SNTG1: variants seen among roughly 807,000 people sequenced by gnomAD.
The protein encoded by SNTG1 is syntrophin gamma 1.
Under a neutral mutation model 74.7 loss-of-function variants are expected in SNTG1, and 39 were observed. The ratio of observed to expected loss-of-function variants is 0.52; its 90% CI spans 0.40 to 0.68. The LOEUF (loss-of-function observed/expected upper bound fraction) is 0.68. Ranked by LOEUF, SNTG1 falls within the 30% of genes least tolerant of loss-of-function variation. SNTG1 has a pLI of 0.00. For missense variants in SNTG1, 685 were observed against 609.5 expected (o/e 1.12, Z -1.30); for synonymous variants, 254 against 217.1 (o/e 1.17, Z -1.49).
intron 1 of SNTG1, among the ~76,000 whole-genome samples, chr8:49,921,724 C>G (rs1319501731): frequency 6.6e-6 from 1 of 151,970 alleles, no homozygotes; most frequent in Non-Finnish European, 1.5e-5. Context: ...TATAGTCAAC[C>G]AAAAAGATAC....
chr8:50,090,491 G>A (rs1007525288), intron 1 of SNTG1, among the ~76,000 whole-genome samples: 1 of 152,150 alleles, frequency 6.6e-6, no homozygotes, highest in Non-Finnish European at 1.5e-5. Flanking sequence ...GATTTAGAAA[G>A]ATTCATCTGC....
Position 50,571,313 on chromosome 8 carries a change from T to A in SNTG1, c.810+18134T>A, listed in dbSNP as rs146141484. 3.3e-3 allele frequency among the ~76,000 whole-genome samples: 501 copies of A among 152,302 alleles called. 1 individual carries two copies. Among genetic ancestry groups the A allele is most frequent in the Middle Eastern group, 0.01 (3 of 294 alleles). On this transcript the variant is annotated intron_variant, in intron 12 of 18. Coordinates refer to ENST00000642720, the MANE Select transcript of SNTG1 (RefSeq NM_018967.5). ...CGAAGCTAACTCCCTGGGACCTGCC[T>A]CCTGTCCCGGGCTCAAGAGAACACA...
intron 1 of SNTG1, among the ~76,000 whole-genome samples, chr8:50,044,068 T>C (rs1044991103): frequency 3.3e-5 from 5 of 152,146 alleles, no homozygotes; most frequent in Non-Finnish European, 5.9e-5. Context: ...AAAAAAAATT[T>C]CTGAAAAACT....
At chr8:50,092,780 C>CA in intron 1 of SNTG1, among the ~76,000 whole-genome samples, 1 of 152,254 alleles carries the variant, frequency 6.6e-6, no homozygotes, top group East Asian at 1.9e-4. Context: ...GTTACACTGA[C>CA]AAACAGTTTT....
chr8:50,229,956 G>A (rs554067223), intron 2 of SNTG1, among the ~76,000 whole-genome samples: 1 of 151,574 alleles, frequency 6.6e-6, no homozygotes, highest in East Asian at 1.9e-4. Context: ...AATATTTGAC[G>A]ATTAAACAAC....
At chr8:50,143,229 T>C (rs749198684) in intron 1 of SNTG1, among the ~76,000 whole-genome samples, 11 of 152,158 alleles carry the variant, frequency 7.2e-5, no homozygotes, top group Non-Finnish European at 1.3e-4. Context: ...TGTTTACATG[T>C]TTCTGATTTC....
intron 1 of SNTG1, among the ~76,000 whole-genome samples, chr8:49,996,133 T>A (rs942345278): frequency 6.6e-6 from 1 of 152,108 alleles, no homozygotes; most frequent in Non-Finnish European, 1.5e-5. Flanking sequence ...ATTGCCATTT[T>A]AGAAAACTTT....
intron 13 of SNTG1, among the ~76,000 whole-genome samples, chr8:50,649,350 T>A (rs1162991135): frequency 6.6e-6 from 1 of 152,060 alleles, no homozygotes; most frequent in Non-Finnish European, 1.5e-5. Context: ...ATACAAAAAA[T>A]TAGCCGGACG....
At chr8:49,961,719 C>T (rs571273218) in intron 1 of SNTG1, among the ~76,000 whole-genome samples, 97 of 152,250 alleles carry the variant, frequency 6.4e-4, no homozygotes, top group African/African-American at 9.1e-4. Flanking sequence ...AAAGCATCTG[C>T]GGAGGCAGCT....
intron 1 of SNTG1, among the ~76,000 whole-genome samples, chr8:50,100,830 A>T (rs1010316307): frequency 6.6e-6 from 1 of 152,026 alleles, no homozygotes; most frequent in African/African-American, 2.4e-5. Flanking sequence ...GGTTTGTTTT[A>T]TAGGTAAATT....
intron 2 of SNTG1, among the ~76,000 whole-genome samples, chr8:50,317,366 G>A (rs972726459): frequency 1.3e-5 from 2 of 152,074 alleles, no homozygotes; most frequent in African/African-American, 2.4e-5. Flanking sequence ...AAGTTTCTTT[G>A]GTCTGAAGAT....
At chr8:50,036,287 ATGCAGCTCC>A (rs1250255768) in intron 1 of SNTG1, among the ~76,000 whole-genome samples, 1 of 152,222 alleles carries the variant, frequency 6.6e-6, no homozygotes, top group Non-Finnish European at 1.5e-5. Context: ...TGACGTCTCT[ATGCAGCTCC>A]TGCATAGTCT....
At chr8:50,239,291 TAAAG>T (rs2086061900) in intron 2 of SNTG1, among the ~76,000 whole-genome samples, 1 of 152,154 alleles carries the variant, frequency 6.6e-6, no homozygotes, top group Admixed American at 6.5e-5. Context: ...CACACTGCTA[TAAAG>T]ATAGTACCCA....
rs1585927704 is a variant in SNTG1 at position 50,021,489 on chromosome 8, T to G, written c.-103+109258T>G. 3.3e-5 allele frequency among the ~76,000 whole-genome samples: 5 copies of G among 152,306 alleles called. 1 individual carries two copies. In the South Asian group the frequency reaches 1.0e-3, roughly 32 times the overall value. ...TAATTTGATGAATTCATTTCTCCCA[T>G]GAGTTAATTAAGCTAATGAAATTTT... On this transcript the variant is annotated intron_variant, in intron 1 of 18. Coordinates refer to ENST00000642720, the MANE Select transcript of SNTG1 (RefSeq NM_018967.5).
chr8:50,023,052 C>T (rs1563485900), intron 1 of SNTG1, among the ~76,000 whole-genome samples: 2 of 152,190 alleles, frequency 1.3e-5, no homozygotes, highest in East Asian at 1.9e-4. Flanking sequence ...ATGTCAACAC[C>T]AGTCTGAGAA....
chr8:50,379,762 A>G (rs2092450937), intron 2 of SNTG1, among the ~76,000 whole-genome samples: 2 of 152,276 alleles, frequency 1.3e-5, no homozygotes, highest in African/African-American at 4.8e-5. Flanking sequence ...GAAAGTTACA[A>G]GGTGCAAGAG....
intron 16 of SNTG1, among the ~76,000 whole-genome samples, chr8:50,706,412 T>C (rs1381750948): frequency 6.6e-6 from 1 of 152,184 alleles, no homozygotes; most frequent in African/African-American, 2.4e-5. Flanking sequence ...TTTAGGTTTC[T>C]AAAATTATTA....
intron 2 of SNTG1, among the ~76,000 whole-genome samples, chr8:50,369,591 C>T (rs1390953620): frequency 4.8e-5 from 7 of 147,140 alleles, no homozygotes; most frequent in South Asian, 2.2e-4. Flanking sequence ...AGCAAAACTC[C>T]GTCCCAAAAA....
In SNTG1 at chr8:50,012,033, C is replaced by T; in HGVS notation, c.-103+99802C>T. On this transcript the variant is annotated intron_variant, in intron 1 of 18. Transcript: ENST00000642720. ...TTGTCTTTGGGTAGAGTGAATTCAG[C>T]TTTTTGCACATTTAGAAGCCACATT... 1.3e-5 allele frequency among the ~76,000 whole-genome samples: 2 copies of T among 152,164 alleles called. 1 individual carries two copies. Among genetic ancestry groups the T allele is most frequent in the Non-Finnish European group, 2.9e-5 (2 of 68,032 alleles).
Sources: gnomAD v4.1 joint callset for allele counts (sites outside exome capture counted in the v4.1 genomes callset) on GRCh38, gnomAD v4.1.1 for gene constraint, MANE v1.5 for transcripts, NCBI Gene and HGNC (gene_info 2026-07-23, HGNC 2026-07-21) for gene names.